The following PTPRK variants were observed in gnomAD, a reference collection of about 807,000 sequenced individuals.
PTPRK encodes protein tyrosine phosphatase receptor type K, also known as receptor-type tyrosine-protein phosphatase kappa.
In PTPRK, 75 loss-of-function variants were observed where a neutral mutation model predicts 178.0. The ratio of observed to expected loss-of-function variants is 0.42; its 90% CI spans 0.35 to 0.51. PTPRK has a LOEUF of 0.51. PTPRK is among the 20% of genes least tolerant of loss of function. The probability of loss-of-function intolerance (pLI) is 0.02; values close to 1 mark genes in which losing one functional copy is unlikely to be tolerated. For synonymous variants in PTPRK, 637 were observed against 620.6 expected, an observed-to-expected ratio of 1.03 and a Z score of -0.39; for missense variants, 1,441 against 1,797.8, an observed-to-expected ratio of 0.80 and a Z score of 3.59.
chr6:128,297,762 A>G (rs1198466619), intron 3 of PTPRK, among the ~76,000 whole-genome samples: 2 of 152,220 alleles, frequency 1.3e-5, no homozygotes, highest in Non-Finnish European at 2.9e-5. Context: ...AAATGCCCAC[A>G]AGAGAAAGCA....
chr6:128,067,402 A>T, intron 12 of PTPRK, 117 bp downstream of exon 12: 1 of 1,174,216 alleles, frequency 8.5e-7, no homozygotes, highest in Non-Finnish European at 1.1e-6. Flanking sequence ...AGAACCCCCT[A>T]CATGCAAATT....
intron 7 of PTPRK, among the ~76,000 whole-genome samples, chr6:128,172,779 A>G (rs1242553534): frequency 6.6e-6 from 1 of 151,866 alleles, no homozygotes; most frequent in Non-Finnish European, 1.5e-5. Flanking sequence ...ATATGTGTGT[A>G]CATACGTGTG....
At chr6:128,218,207 A>G (rs541089903) in intron 6 of PTPRK, among the ~76,000 whole-genome samples, 1 of 152,304 alleles carries the variant, frequency 6.6e-6, no homozygotes, top group East Asian at 1.9e-4. Flanking sequence ...ATGATGCTCC[A>G]TGTGGGTAGG....
intron 11 of PTPRK, among the ~76,000 whole-genome samples, chr6:128,068,954 G>T (rs1259752035): frequency 1.3e-5 from 2 of 151,228 alleles, no homozygotes; most frequent in Non-Finnish European, 3.0e-5. Context: ...GAGGAGAGGG[G>T]GAGGGAGAAA....
At chr6:128,325,798 A>T (rs966183165) in intron 2 of PTPRK, among the ~76,000 whole-genome samples, 1 of 152,240 alleles carries the variant, frequency 6.6e-6, no homozygotes, top group Admixed American at 6.5e-5. Flanking sequence ...ATACCATTTG[A>T]CGTGTCAATC....
chr6:128,250,167 A>G (rs1562870299), intron 3 of PTPRK, among the ~76,000 whole-genome samples: 1 of 152,176 alleles, frequency 6.6e-6, no homozygotes, highest in Non-Finnish European at 1.5e-5. Context: ...AATCTATCAA[A>G]CCTATTTTTC....
chr6:127,992,972 TTTTG>T (rs1776770519), intron 18 of PTPRK, among the ~76,000 whole-genome samples: 1 of 151,782 alleles, frequency 6.6e-6, no homozygotes, highest in African/African-American at 2.4e-5. Context: ...ACCTCATAGA[TTTTG>T]TTTGGTTTCA....
chr6:128,025,221 A>AG (rs1410735966), intron 13 of PTPRK, among the ~76,000 whole-genome samples: 19 of 152,244 alleles, frequency 1.2e-4, no homozygotes, highest in African/African-American at 4.3e-4. Context: ...TCTCCCTGTG[A>AG]GGCCAAGTTT....
At chr6:128,036,825 G>T (rs1448374120) in intron 13 of PTPRK, among the ~76,000 whole-genome samples, 1 of 151,626 alleles carries the variant, frequency 6.6e-6, no homozygotes, top group Non-Finnish European at 1.5e-5. Context: ...TCTGCCTCCC[G>T]GGTTGAATTG....
At chr6:128,006,341 A>G (rs886578144) in intron 14 of PTPRK, among the ~76,000 whole-genome samples, 4 of 151,076 alleles carry the variant, frequency 2.6e-5, no homozygotes, top group African/African-American at 7.3e-5. Context: ...GAAAAATTAA[A>G]TGGATTGTGT....
At chr6:128,088,346 C>T (rs1268266566) in intron 8 of PTPRK, among the ~76,000 whole-genome samples, 3 of 150,358 alleles carry the variant, frequency 2.0e-5, no homozygotes, top group African/African-American at 7.4e-5. Context: ...CACTGCACTC[C>T]AGCCTGTATG....
chr6:128,367,344 T>G (rs1478444540), intron 2 of PTPRK, among the ~76,000 whole-genome samples: 2 of 152,118 alleles, frequency 1.3e-5, no homozygotes, highest in Non-Finnish European at 2.9e-5. Context: ...AAAGAGAGAT[T>G]TCCAATATCA....
intron 2 of PTPRK, among the ~76,000 whole-genome samples, chr6:128,354,241 T>TTTTTTTC (rs1833640387): frequency 2.2e-5 from 2 of 92,238 alleles, no homozygotes; most frequent in African/African-American, 4.1e-5. Context: ...GTTTTTTTTT[T>TTTTTTTC]TTTTTTTTTT....
At chr6:128,229,738 TA>T (rs1283668683) in intron 5 of PTPRK, among the ~76,000 whole-genome samples, 4 of 152,086 alleles carry the variant, frequency 2.6e-5, no homozygotes, top group Non-Finnish European at 5.9e-5. Context: ...TGCAACAAAT[TA>T]AACTCCATTA....
At chr6:128,164,750 T>G (rs550267594) in intron 7 of PTPRK, among the ~76,000 whole-genome samples, 1 of 150,964 alleles carries the variant, frequency 6.6e-6, no homozygotes, top group Non-Finnish European at 1.5e-5. Context: ...TTTAATAAAT[T>G]ATTGGAGGGT....
At chr6:128,235,252 A>G (rs1409795683) in intron 5 of PTPRK, 1 of 152,314 alleles carries the variant, frequency 6.6e-6, no homozygotes, top group Non-Finnish European at 1.5e-5. Flanking sequence ...AATTTTAAAT[A>G]TTTTCAATAA....
intron 7 of PTPRK, among the ~76,000 whole-genome samples, chr6:128,139,906 C>A (rs1039259771): frequency 6.6e-6 from 1 of 151,582 alleles, no homozygotes; most frequent in Non-Finnish European, 1.5e-5. Flanking sequence ...TAATCCAAAT[C>A]ACTGGTGTTG....
intron 7 of PTPRK, among the ~76,000 whole-genome samples, chr6:128,137,857 G>A (rs1343386055): frequency 6.6e-6 from 1 of 151,994 alleles, no homozygotes; most frequent in African/African-American, 2.4e-5. Flanking sequence ...AGCTTATATA[G>A]CTCTTATGAA....
intron 1 of PTPRK, among the ~76,000 whole-genome samples, chr6:128,494,829 T>A (rs1001268395): frequency 2.0e-5 from 3 of 152,176 alleles, no homozygotes; most frequent in Admixed American, 6.5e-5. Context: ...ATTTTACAAC[T>A]CACATTAAAA....
Sources: allele counts gnomAD v4.1 joint callset (sites outside exome capture counted in the v4.1 genomes callset), GRCh38; gene constraint gnomAD v4.1.1; transcripts MANE v1.5; gene names NCBI Gene and HGNC (gene_info 2026-07-23, HGNC 2026-07-21).